Variants in OR5P3 observed in about 807,000 individuals in gnomAD.
The protein encoded by OR5P3 is olfactory receptor family 5 subfamily P member 3.
For missense variants in OR5P3, 415 were observed against 375.6 expected, an observed-to-expected ratio of 1.10 and a Z score of -0.87; for synonymous variants, 172 against 141.8, an observed-to-expected ratio of 1.21 and a Z score of -1.51.
Position 7,825,507 on chromosome 11 carries a change from C to A in OR5P3, c.466G>T (p.Ala156Ser), listed in dbSNP as rs778521996. The change falls in exon 2 of 2, where the codon GCT becomes TCT. Residue 156 changes from alanine to serine, a missense_variant. Transcript: ENST00000641167. ...GMSYLGGCVNAWTFIGCLLRL... is the reference protein window; with the variant it reads ...GMSYLGGCVNSWTFIGCLLRL... ...AATAAGCAGCCAATGAATGTCCAAGCATTCACACATCCACCCAGGTAGGAC... is the reference window on the plus strand; with the variant it reads ...AATAAGCAGCCAATGAATGTCCAAGAATTCACACATCCACCCAGGTAGGAC... 6.2e-7 allele frequency: 1 copy of A among 1,613,148 alleles called. No homozygotes were observed. Among genetic ancestry groups the A allele is most frequent in the African/African-American group, 1.4e-5 (1 of 74,020 alleles).
Position 7,825,012 on chromosome 11 carries a change from A to G in OR5P3, c.*25T>C. On this transcript the variant is annotated 3_prime_UTR_variant, in exon 2 of 2. Transcript: ENST00000641167. ...ATTATATATAGAATATTAATATATC[A>G]GATTCTTCAAACTAACTAGTTTCAT... 6.6e-7 allele frequency: 1 copy of G among 1,525,668 alleles called. No homozygotes were observed. Among genetic ancestry groups the G allele is most frequent in the Non-Finnish European group, 8.9e-7 (1 of 1,119,606 alleles). The allele number at this position is 1,525,668 out of a possible 1,614,324, so 94.5% of individuals were successfully genotyped here.
At chr11:7,830,210 A>G (rs1294537392) in intron 1 of OR5P3, among the ~76,000 whole-genome samples, 3 of 152,178 alleles carry the variant, frequency 2.0e-5, no homozygotes, top group African/African-American at 7.2e-5. Flanking sequence ...GCATACACAC[A>G]CACACACTGG....
intron 1 of OR5P3, among the ~76,000 whole-genome samples, chr11:7,829,046 A>G (rs1031744335): frequency 6.6e-6 from 1 of 152,196 alleles, no homozygotes; most frequent in African/African-American, 2.4e-5. Flanking sequence ...CATAAAAATA[A>G]AATGTATGCT....
chr11:7,826,298 A>G (rs897811858), intron 1 of OR5P3, among the ~76,000 whole-genome samples: 1 of 152,178 alleles, frequency 6.6e-6, no homozygotes, highest in African/African-American at 2.4e-5. Context: ...TATATAAAGA[A>G]TCCAGTAACT....
intron 1 of OR5P3, 139 bp from the exon 2 acceptor site, chr11:7,826,132 G>A (rs910435432): frequency 2.8e-5 from 16 of 563,010 alleles, no homozygotes; most frequent in Non-Finnish European, 4.4e-5. Flanking sequence ...TTCACACACA[G>A]TATCTTATGT....
intron 1 of OR5P3, among the ~76,000 whole-genome samples, chr11:7,830,300 T>C (rs1857795653): frequency 6.6e-6 from 1 of 152,170 alleles, no homozygotes. Flanking sequence ...ATTTCACGTC[T>C]GAATTAACTG....
Position 7,825,111 on chromosome 11 carries a change from G to C in OR5P3, c.862C>G (p.Leu288Val), listed in dbSNP as rs1349764939. 4 of 1,613,616 alleles carry C rather than the reference G, an allele frequency of 2.5e-6. No individual in the cohort carries two copies. The Admixed American group carries it at 6.7e-5, about 27-fold the overall frequency. The change falls in exon 2 of 2, where the codon CTG becomes GTG. Residue 288 changes from leucine (L) to valine (V), a missense_variant. Transcript: ENST00000641167. ...TCCTTGTTCCTGAGGCTGTAGATCA[G>C]GGGGTTCAACATGGGAATCACCACG... ...YTVVIPMLNP[L>V]IYSLRNKEIK...
At position 7,830,823 on chromosome 11, in the gene OR5P3, C is replaced by A. The variant is rs1457526126; in HGVS notation, c.-22+1G>T. The A allele has an allele frequency of 6.6e-6, 1 of 152,074 alleles. No individual in the cohort carries two copies. Among genetic ancestry groups the A allele is most frequent in the Non-Finnish European group, 1.5e-5 (1 of 68,020 alleles). 9.4% of individuals were successfully genotyped at this position (152,074 alleles called of 1,614,324 possible). ...TATCAATAGAAAAGGGAAATTATTACCTGCAGATGAATGTACATCAGCAAT... is the reference window on the plus strand; with the variant it reads ...TATCAATAGAAAAGGGAAATTATTAACTGCAGATGAATGTACATCAGCAAT... On this transcript the variant is annotated splice_donor_variant, in intron 1 of 1. Transcript: ENST00000641167. LOFTEE classifies it low-confidence loss of function (5UTR_SPLICE).
In OR5P3 at chr11:7,825,994, C is replaced by T. The variant is rs772348814; in HGVS notation, c.-21-1G>A. 6.3e-6 allele frequency: 8 copies of T among 1,273,872 alleles called. No individual in the cohort carries two copies. Among genetic ancestry groups the T allele is most frequent in the Non-Finnish European group, 8.8e-6 (8 of 908,940 alleles). 78.9% of individuals were successfully genotyped at this position (1,273,872 alleles called of 1,614,324 possible). On this transcript the variant is annotated splice_acceptor_variant, in intron 1 of 1. Coordinates refer to ENST00000641167, the MANE Select transcript of OR5P3 (RefSeq NM_153445.2). LOFTEE classifies it low-confidence loss of function (5UTR_SPLICE). ...CCATCTATATTGGGAATGGTGCCAACTGAAAGAAAAACAAATGAATATTAT... is the reference window on the plus strand; with the variant it reads ...CCATCTATATTGGGAATGGTGCCAATTGAAAGAAAAACAAATGAATATTAT...
Position 7,826,079 on chromosome 11 carries a change from T to C in OR5P3, c.-21-86A>G, listed in dbSNP as rs954549777. Reference sequence around the variant, plus strand: ...TTCCAATATCTATTTAACCAAAAAGTATAACAATTTAGGCACTCATGTAAA... The same window carrying C: ...TTCCAATATCTATTTAACCAAAAAGCATAACAATTTAGGCACTCATGTAAA... On this transcript the variant is annotated intron_variant, in intron 1 of 1. Coordinates refer to ENST00000641167, the MANE Select transcript of OR5P3 (RefSeq NM_153445.2). The C allele has an allele frequency of 7.5e-5, 50 of 663,852 alleles. No individual in the cohort carries two copies. In the Middle Eastern group the frequency reaches 1.6e-3, roughly 21 times the overall value. The allele number at this position is 663,852 out of a possible 1,614,324, so 41.1% of individuals were successfully genotyped here.
At position 7,825,969 on chromosome 11, in the gene OR5P3, C is replaced by A. The variant is rs1392894266; in HGVS notation, c.4G>T (p.Gly2Trp). 2.6e-6 allele frequency: 4 copies of A among 1,513,430 alleles called. No individual in the cohort carries two copies. The highest frequency in any genetic ancestry group is 1.8e-6 in the Non-Finnish European group (2 of 1,116,494). 93.8% of individuals were successfully genotyped at this position (1,513,430 alleles called of 1,614,324 possible). Residue 2 changes from glycine (G) to tryptophan (W), a missense_variant, in exon 2 of 2, where the codon GGG becomes TGG. By Grantham distance (184) the Gly-to-Trp change is radical. Transcript: ENST00000641167. M[G>W]TGNDTTVVEF... ...ACCACAGTGGTGTCATTTCCAGTCCCCATCTATATTGGGAATGGTGCCAAC... is the reference window on the plus strand; with the variant it reads ...ACCACAGTGGTGTCATTTCCAGTCCACATCTATATTGGGAATGGTGCCAAC...
chr11:7,829,261 T>C (rs1353065593), intron 1 of OR5P3, among the ~76,000 whole-genome samples: 1 of 152,126 alleles, frequency 6.6e-6, no homozygotes, highest in Admixed American at 6.6e-5. Flanking sequence ...GATACAGAAA[T>C]TCCATGTTGA....
At position 7,825,176 on chromosome 11, in the gene OR5P3, T is replaced by C. The variant is rs545881393; in HGVS notation, c.797A>G (p.Tyr266Cys). 8 of 1,608,420 alleles carry C rather than the reference T, an allele frequency of 5.0e-6. No homozygotes were observed. The highest frequency in any genetic ancestry group is 2.2e-5 in the East Asian group (1 of 44,888). ...CACCACCTTGTTCTGGTCAGTTGAG[T>C]AGCTGGACTTGGGCATCACATAAAT... is the stretch of plus-strand genomic sequence containing the variant. ...TFIYVMPKSS[Y>C]STDQNKVVSV... is the part of the protein sequence containing the mutation. The change falls in exon 2 of 2, where the codon TAC becomes TGC. Residue 266 changes from tyrosine (Y) to cysteine (C), a missense_variant. Tyr to Cys is a radical substitution (Grantham distance 194). Coordinates refer to ENST00000641167, the MANE Select transcript of OR5P3 (RefSeq NM_153445.2).
In OR5P3 at chr11:7,825,122, A is replaced by T. The variant is rs1006977600; in HGVS notation, c.851T>A (p.Met284Lys). Reference sequence around the variant, plus strand: ...GAGGCTGTAGATCAGGGGGTTCAACATGGGAATCACCACGGTGTAGAACAC... The same window carrying T: ...GAGGCTGTAGATCAGGGGGTTCAACTTGGGAATCACCACGGTGTAGAACAC... The part of the protein sequence containing the change: ...VSVFYTVVIP[M>K]LNPLIYSLRN... Residue 284 changes from methionine (M) to lysine (K), a missense_variant, in exon 2 of 2, where the codon ATG becomes AAG. Met to Lys is a moderately conservative substitution (Grantham distance 95). Transcript: ENST00000641167. 1.9e-6 allele frequency: 3 copies of T among 1,605,226 alleles called. No homozygotes were observed. The highest frequency in any genetic ancestry group is 2.5e-6 in the Non-Finnish European group (3 of 1,179,898).
intron 1 of OR5P3, among the ~76,000 whole-genome samples, chr11:7,829,998 G>A (rs1380181539): frequency 6.6e-6 from 1 of 152,078 alleles, no homozygotes; most frequent in African/African-American, 2.4e-5. Flanking sequence ...TTTAATATAA[G>A]GTTTATTTAC....
At position 7,825,158 on chromosome 11, in the gene OR5P3, T is replaced by C. The variant is rs1332556453; in HGVS notation, c.815A>G (p.Lys272Arg). Reference protein sequence around the residue: ...PKSSYSTDQNKVVSVFYTVVI... With the variant: ...PKSSYSTDQNRVVSVFYTVVI... The stretch of plus-strand genomic sequence containing the variant: ...CACGGTGTAGAACACAGACACCACC[T>C]TGTTCTGGTCAGTTGAGTAGCTGGA... The change falls in exon 2 of 2, where the codon AAG becomes AGG. Residue 272 changes from lysine (K) to arginine (R), a missense_variant. Lys to Arg is a conservative substitution (Grantham distance 26). Coordinates refer to ENST00000641167, the MANE Select transcript of OR5P3 (RefSeq NM_153445.2). 1 of 1,607,380 alleles carries C rather than the reference T, an allele frequency of 6.2e-7. No individual in the cohort carries two copies. Among genetic ancestry groups the C allele is most frequent in the South Asian group, 1.1e-5 (1 of 91,088 alleles).
At position 7,825,966 on chromosome 11, in the gene OR5P3, T is replaced by G; in HGVS notation, c.7A>C (p.Thr3Pro). The change falls in exon 2 of 2, where the codon ACT (threonine) becomes CCT (proline). Residue 3 changes from threonine (T) to proline (P), a missense_variant. Transcript: ENST00000641167. ...TCTACCACAGTGGTGTCATTTCCAG[T>G]CCCCATCTATATTGGGAATGGTGCC... MG[T>P]GNDTTVVEFT... is the part of the protein sequence containing the mutation. 2 of 1,531,124 alleles carry G rather than the reference T, an allele frequency of 1.3e-6. No homozygotes were observed. The highest frequency in any genetic ancestry group is 1.8e-6 in the Non-Finnish European group (2 of 1,124,506). 94.8% of individuals were successfully genotyped at this position (1,531,124 alleles called of 1,614,324 possible). A position where few individuals can be genotyped will look rare whatever the true frequency, so the allele number is the denominator to read the frequency against.
chr11:7,826,279 C>T (rs573355822), intron 1 of OR5P3, among the ~76,000 whole-genome samples: 38 of 151,898 alleles, frequency 2.5e-4, no homozygotes, highest in Non-Finnish European at 4.6e-4. Context: ...TCAGAGATGA[C>T]CACTAGAATA....
chr11:7,828,038 C>G (rs1369931806), intron 1 of OR5P3, among the ~76,000 whole-genome samples: 1 of 152,020 alleles, frequency 6.6e-6, no homozygotes, highest in Non-Finnish European at 1.5e-5. Context: ...ACATAAAACT[C>G]AACTATGGGT....
Sources: allele counts gnomAD v4.1 joint callset (sites outside exome capture counted in the v4.1 genomes callset), GRCh38; gene constraint gnomAD v4.1.1; transcripts MANE v1.5; gene names NCBI Gene and HGNC (gene_info 2026-07-23, HGNC 2026-07-21).